The following MICAL2 variants were observed in gnomAD, a reference collection of about 807,000 sequenced individuals.
MICAL2 encodes the protein microtubule associated monooxygenase, calponin and LIM domain containing 2.
MICAL2 carries 77 observed loss-of-function variants against 127.3 expected under a neutral mutation model. The ratio of observed to expected loss-of-function variants is 0.60; its 90% CI spans 0.50 to 0.73. MICAL2 has a LOEUF of 0.73. Ranked by LOEUF, MICAL2 falls within the 30% of genes least tolerant of loss-of-function variation. The probability of loss-of-function intolerance (pLI) is 0.00; values close to 1 mark genes in which losing one functional copy is unlikely to be tolerated. For missense variants in MICAL2, 1,351 were observed against 1,434.4 expected (o/e 0.94, Z 0.94); for synonymous variants, 570 against 551.1 (o/e 1.03, Z -0.48).
chr11:12,299,445 C>G (rs1239019001), intron 29 of MICAL2, among the ~76,000 whole-genome samples: 3 of 152,048 alleles, frequency 2.0e-5, no homozygotes, highest in Non-Finnish European at 4.4e-5. Flanking sequence ...TGAATAAGAG[C>G]CAGGCTGAAA....
At chr11:12,204,575 T>C in intron 4 of MICAL2, 118 bp downstream of exon 4, 2 of 986,172 alleles carry the variant, frequency 2.0e-6, no homozygotes, top group South Asian at 3.2e-5. Flanking sequence ...GGGCACCATA[T>C]ATCAGACTAA....
chr11:12,289,208 C>G (rs377684587), downstream of MICAL2, among the ~76,000 whole-genome samples: 1 of 152,244 alleles, frequency 6.6e-6, no homozygotes, highest in Non-Finnish European at 1.5e-5. Context: ...GAAACTCAGG[C>G]GCTGGTGTGC....
At position 12,276,446 on chromosome 11, in the gene MICAL2, T is replaced by C. The variant is rs1211521701; in HGVS notation, c.87+280T>C. On this transcript the variant is annotated intron_variant, in intron 1 of 2. Coordinates refer to the MICAL2 transcript ENST00000529028. ...TGGGAAGAGAAAGGGCCTGGCCCCATGCTCTTCTCAGGAGGCAGTGTCATG... is the reference window on the plus strand; with the variant it reads ...TGGGAAGAGAAAGGGCCTGGCCCCACGCTCTTCTCAGGAGGCAGTGTCATG... 3 of 259,230 alleles carry C rather than the reference T, an allele frequency of 1.2e-5. No individual in the cohort carries two copies. In the East Asian group the frequency reaches 2.0e-4, roughly 18 times the overall value. 16.1% of individuals were successfully genotyped at this position (259,230 alleles called of 1,614,324 possible). A position where few individuals can be genotyped will look rare whatever the true frequency, so the allele number is the denominator to read the frequency against.
At chr11:12,257,042 G>C in intron 24 of MICAL2, 71 bp downstream of exon 24, 1 of 1,484,524 alleles carries the variant, frequency 6.7e-7, no homozygotes, top group Non-Finnish European at 9.1e-7. Context: ...TCGGGTTCCT[G>C]TCCCTCTGGT....
At chr11:12,144,353 G>A (rs1007161048) in intron 2 of MICAL2, among the ~76,000 whole-genome samples, 2 of 152,162 alleles carry the variant, frequency 1.3e-5, no homozygotes, top group African/African-American at 4.8e-5. Context: ...TCCCACCAGG[G>A]AGAAGTCACT....
rs1862920050 is a variant in MICAL2 at position 12,260,251 on chromosome 11, C to T, written c.3334+354C>T. On this transcript the variant is annotated intron_variant, in intron 26 of 27. Transcript: ENST00000683283. ...AGTGCGTTTGCAGTTTGCTCAGGCT[C>T]TGGCCAGGAAGCCTAGCATTCTCTA... 4 of 1,438,206 alleles carry T rather than the reference C, an allele frequency of 2.8e-6. No individual in the cohort carries two copies. In the South Asian group the frequency reaches 5.9e-5, roughly 21 times the overall value. The allele number at this position is 1,438,206 out of a possible 1,614,324, so 89.1% of individuals were successfully genotyped here.
intron 33 of MICAL2, among the ~76,000 whole-genome samples, chr11:12,351,221 C>A (rs192204122): frequency 1.3e-5 from 2 of 152,316 alleles, no homozygotes; most frequent in African/African-American, 2.4e-5. Context: ...ACCCACTACA[C>A]TAACCAACCC....
At chr11:12,242,175 C>A (rs766073341) in intron 18 of MICAL2, 39 bp from the exon 19 acceptor site, 1 of 1,522,684 alleles carries the variant, frequency 6.6e-7, no homozygotes, top group South Asian at 1.2e-5. Context: ...ATGAAAGGGC[C>A]GCAGTAGGGA....
intron 2 of MICAL2, among the ~76,000 whole-genome samples, chr11:12,148,629 G>C (rs1254145926): frequency 6.6e-6 from 1 of 152,176 alleles, no homozygotes; most frequent in Non-Finnish European, 1.5e-5. Flanking sequence ...TGATTTGATT[G>C]TATCTACCAG....
intron 3 of MICAL2, among the ~76,000 whole-genome samples, chr11:12,169,724 C>A (rs929850681): frequency 6.6e-6 from 1 of 152,170 alleles, no homozygotes; most frequent in African/African-American, 2.4e-5. Context: ...CAGTCTATTG[C>A]CATTTTAAAC....
intron 11 of MICAL2, 28 bp from the exon 12 acceptor site, chr11:12,223,383 T>A: frequency 1.3e-6 from 2 of 1,597,930 alleles, no homozygotes; most frequent in Non-Finnish European, 1.7e-6. Flanking sequence ...GGAAAACTGG[T>A]GGGCAAGCAT....
At chr11:12,235,862 A>G (rs1858976302) in intron 15 of MICAL2, among the ~76,000 whole-genome samples, 2 of 152,172 alleles carry the variant, frequency 1.3e-5, no homozygotes, top group South Asian at 4.1e-4. Context: ...TGCCCTGCCT[A>G]TGTCACCGGG....
At chr11:12,242,534 C>T in intron 19 of MICAL2, 102 bp downstream of exon 19, 2 of 1,436,968 alleles carry the variant, frequency 1.4e-6, no homozygotes, top group South Asian at 1.2e-5. Flanking sequence ...CTCTGCCCAC[C>T]CCCTGTCTCT....
At chr11:12,292,850 C>T (rs11022277), downstream of MICAL2, among the ~76,000 whole-genome samples, 59,020 of 152,072 alleles carry the variant, frequency 0.39, 14,311 homozygotes, top group Non-Finnish European at 0.55. Flanking sequence ...CTGGTGAAGC[C>T]CCTGTGCTAT....
downstream of MICAL2, among the ~76,000 whole-genome samples, chr11:12,362,041 A>G (rs1236754590): frequency 6.6e-6 from 1 of 152,236 alleles, no homozygotes; most frequent in Non-Finnish European, 1.5e-5. Context: ...TGCTCCAACA[A>G]TTGGGAACTA....
chr11:12,311,651 C>T (rs1458397835), intron 29 of MICAL2, among the ~76,000 whole-genome samples: 4 of 152,254 alleles, frequency 2.6e-5, no homozygotes, highest in African/African-American at 7.2e-5. Context: ...CCTGATCCAC[C>T]TGCCTCGGCC....
downstream of MICAL2, among the ~76,000 whole-genome samples, chr11:12,268,220 T>C (rs1565288515): frequency 6.6e-6 from 1 of 152,194 alleles, no homozygotes; most frequent in Non-Finnish European, 1.5e-5. Context: ...ACCCCCTGAT[T>C]ATGAGAAGGG....
At chr11:12,236,489 A>G (rs764343909) in intron 16 of MICAL2, among the ~76,000 whole-genome samples, 4 of 152,240 alleles carry the variant, frequency 2.6e-5, no homozygotes, top group Non-Finnish European at 5.9e-5. Context: ...GTGCAATGAT[A>G]CACTTGAAAT....
At chr11:12,204,581 A>AG in intron 4 of MICAL2, 124 bp downstream of exon 4, 1 of 914,106 alleles carries the variant, frequency 1.1e-6, no homozygotes, top group East Asian at 2.6e-5. Flanking sequence ...CATATATCAG[A>AG]CTAACAGACA....
Sources: gnomAD v4.1 joint callset for allele counts (sites outside exome capture counted in the v4.1 genomes callset) on GRCh38, gnomAD v4.1.1 for gene constraint, MANE v1.5 for transcripts, NCBI Gene and HGNC (gene_info 2026-07-23, HGNC 2026-07-21) for gene names.